Variants in UBE2F observed in about 807,000 individuals in gnomAD.
UBE2F encodes the protein ubiquitin conjugating enzyme E2 F (putative), also known as NEDD8-conjugating enzyme UBE2F.
Under a neutral mutation model 29.6 loss-of-function variants are expected in UBE2F, and 5 were observed. The ratio of observed to expected loss-of-function variants is 0.17; its 90% CI spans 0.09 to 0.36. UBE2F has a LOEUF of 0.36. Among genes scored for constraint, UBE2F ranks in the 10% least tolerant of loss-of-function variants. The pLI, the probability that UBE2F is intolerant of heterozygous loss-of-function variation, is 1.00. For missense variants in UBE2F, 141 were observed against 228.5 expected, an observed-to-expected ratio of 0.62 and a Z score of 2.47; for synonymous variants, 66 against 81.8, an observed-to-expected ratio of 0.81 and a Z score of 1.04.
At chr2:238,039,587 A>G (rs2064795828) in intron 9 of UBE2F, among the ~76,000 whole-genome samples, 2 of 152,332 alleles carry the variant, frequency 1.3e-5, no homozygotes, top group Middle Eastern at 3.4e-3. Context: ...GAGAATCACC[A>G]TGATTGAGTA....
intron 6 of UBE2F, 141 bp downstream of exon 6, chr2:238,025,553 C>A: frequency 4.0e-6 from 3 of 742,430 alleles, no homozygotes; most frequent in South Asian, 1.6e-5. Flanking sequence ...GAAGTAGCTG[C>A]GGTTGCCTGC....
In UBE2F at chr2:237,982,373, A is replaced by G. The variant is rs896215254; in HGVS notation, c.119-5590A>G. ...GCACTGGTCAGTGGCCTCACTCTTC[A>G]TTGTCCGTCTGTGCCCAGACCTCAC... On this transcript the variant is annotated intron_variant, in intron 2 of 9. Transcript: ENST00000272930. The surrounding 1 kb of genome is among the most constrained non-coding windows in gnomAD (Gnocchi z 4.1). Among the ~76,000 whole-genome samples, 3 of 152,042 alleles carry G rather than the reference A, an allele frequency of 2.0e-5. No individual in the cohort carries two copies. Among genetic ancestry groups the G allele is most frequent in the Non-Finnish European group, 2.9e-5 (2 of 68,026 alleles).
At chr2:238,010,237 A>G (rs2063992901) in intron 4 of UBE2F, among the ~76,000 whole-genome samples, 1 of 151,984 alleles carries the variant, frequency 6.6e-6, no homozygotes. Context: ...GCAGTGGCAC[A>G]ATCTTGGCTC....
At chr2:238,020,899 C>T (rs1012902980) in intron 5 of UBE2F, among the ~76,000 whole-genome samples, 5 of 152,212 alleles carry the variant, frequency 3.3e-5, no homozygotes, top group African/African-American at 1.2e-4. Flanking sequence ...GAGACAGACG[C>T]TGACATGACA....
intron 3 of UBE2F, among the ~76,000 whole-genome samples, chr2:237,993,120 T>C (rs2063622851): frequency 6.6e-6 from 1 of 152,020 alleles, no homozygotes; most frequent in Admixed American, 6.6e-5. Context: ...CCCAAGTAGC[T>C]GGGACTACAG....
intron 2 of UBE2F, among the ~76,000 whole-genome samples, chr2:237,974,066 T>C (rs932986931): frequency 6.6e-6 from 1 of 152,144 alleles, no homozygotes; most frequent in Non-Finnish European, 1.5e-5. Flanking sequence ...CAATCTTGGC[T>C]CACTGCAACC....
intron 1 of UBE2F, among the ~76,000 whole-genome samples, chr2:237,969,261 C>T (rs72981208): frequency 0.03 from 4,535 of 151,340 alleles, 97 homozygotes; most frequent in Non-Finnish European, 0.042. Context: ...TTCATCGTGG[C>T]GTGATTGGGG....
intron 2 of UBE2F, among the ~76,000 whole-genome samples, chr2:237,974,513 TTG>T (rs1491073543): frequency 4.8e-4 from 41 of 85,854 alleles, no homozygotes; most frequent in Non-Finnish European, 5.7e-4. Context: ...TTTTTTTTTT[TTG>T]TTTTTTTTTT....
chr2:237,977,299 C>T (rs970092583), intron 2 of UBE2F, among the ~76,000 whole-genome samples: 2 of 152,196 alleles, frequency 1.3e-5, no homozygotes, highest in Non-Finnish European at 2.9e-5. Flanking sequence ...TCCCCAGGCA[C>T]TGGTAGCGAT....
chr2:237,991,774 T>A (rs542375692), intron 3 of UBE2F, among the ~76,000 whole-genome samples: 1 of 151,894 alleles, frequency 6.6e-6, no homozygotes, highest in South Asian at 2.1e-4. Flanking sequence ...AGCCAATTTT[T>A]GTATTTTTAG....
chr2:237,979,990 C>T (rs1319657586), intron 2 of UBE2F, among the ~76,000 whole-genome samples: 2 of 152,238 alleles, frequency 1.3e-5, no homozygotes, highest in East Asian at 3.9e-4. Flanking sequence ...GGGCTGAGGC[C>T]CTGTGTGTGA....
chr2:238,039,801 GA>G (rs539894233), intron 9 of UBE2F, among the ~76,000 whole-genome samples: 54 of 152,348 alleles, frequency 3.5e-4, no homozygotes, highest in African/African-American at 1.3e-3. Context: ...GGTGAACAGG[GA>G]GACTAAGAGT....
rs1325847228 is a variant in UBE2F at position 237,967,344 on chromosome 2, G to T, written c.-17+212G>T. 2.1e-5 allele frequency among the ~76,000 whole-genome samples: 3 copies of T among 146,216 alleles called. No homozygotes were observed. Among genetic ancestry groups the T allele is most frequent in the Non-Finnish European group, 4.6e-5 (3 of 65,624 alleles). ...GCCGCGGGCCGCGGGCCGCGAGCCG[G>T]GGGTCGGAGGCGGCGTCGGCGGCCG... On this transcript the variant is annotated intron_variant, in intron 1 of 9. Transcript: ENST00000272930. The surrounding 1 kb of genome is among the most constrained non-coding windows in gnomAD (Gnocchi z 6.3).
chr2:237,987,984 AT>A lies in UBE2F; in HGVS notation c.143del (p.Leu48TyrfsTer20). The part of the protein sequence containing the change: ...LVKEVAELEA[N>X]LPCTCKVHFP... Reference sequence around the variant, plus strand: ...ACAGAGGTTGCAGAACTTGAAGCTAATTTACCTTGTAAGTATAGCATCCCCA... The same window carrying A: ...ACAGAGGTTGCAGAACTTGAAGCTAATTACCTTGTAAGTATAGCATCCCCA... On this transcript the variant is annotated frameshift_variant, in exon 3 of 10. Transcript: ENST00000272930. LOFTEE classifies it high-confidence loss of function. 6.6e-7 allele frequency: 1 copy of A among 1,510,268 alleles called. No individual in the cohort carries two copies. The highest frequency in any genetic ancestry group is 8.9e-7 in the Non-Finnish European group (1 of 1,127,416). The allele number at this position is 1,510,268 out of a possible 1,614,324, so 93.6% of individuals were successfully genotyped here. A position where few individuals can be genotyped will look rare whatever the true frequency, so the allele number is the denominator to read the frequency against.
intron 9 of UBE2F, among the ~76,000 whole-genome samples, chr2:238,036,744 T>TA (rs1406881030): frequency 3.9e-5 from 6 of 152,196 alleles, no homozygotes; most frequent in Non-Finnish European, 5.9e-5. Flanking sequence ...GAGGATTGCT[T>TA]GTGCCCGGGA....
In UBE2F at chr2:237,987,990, C is replaced by A; in HGVS notation, c.146C>A (p.Pro49His). ...GTTGCAGAACTTGAAGCTAATTTAC[C>A]TTGTAAGTATAGCATCCCCAAACAC... Reference protein sequence around the residue: ...KEVAELEANLPCTCKVHFPDP... With the variant: ...KEVAELEANLHCTCKVHFPDP... Residue 49 changes from proline to histidine, a missense_variant and splice_region_variant, in exon 3 of 10, where the codon CCT (proline) becomes CAT (histidine). Pro to His is a moderately conservative substitution (Grantham distance 77). Transcript: ENST00000272930. 1 of 1,503,710 alleles carries A rather than the reference C, an allele frequency of 6.7e-7. No individual in the cohort carries two copies. The highest frequency in any genetic ancestry group is 8.9e-7 in the Non-Finnish European group (1 of 1,124,388). The allele number at this position is 1,503,710 out of a possible 1,614,324, so 93.1% of individuals were successfully genotyped here.
At chr2:237,994,952 A>G (rs1246406058) in intron 4 of UBE2F, 143 bp downstream of exon 4, 2 of 654,160 alleles carry the variant, frequency 3.1e-6, no homozygotes, top group African/African-American at 3.6e-5. Context: ...GATAAGATAT[A>G]TACTTCATAG....
At position 237,967,797 on chromosome 2, in the gene UBE2F, G is replaced by A. The variant is rs546833647; in HGVS notation, c.-17+665G>A. Among the ~76,000 whole-genome samples the A allele has an allele frequency of 4.6e-5, 7 of 152,344 alleles. No individual in the cohort carries two copies. The East Asian group carries it at 9.6e-4, about 21-fold the overall frequency. On this transcript the variant is annotated intron_variant, in intron 1 of 9. Transcript: ENST00000272930. The surrounding 1 kb of genome is among the most constrained non-coding windows in gnomAD (Gnocchi z 6.3). ...GGAAGGGCATCTTGGAACAATTAGT[G>A]CAGCAGAGTCTTGGTTCCAGACCTA...
intron 4 of UBE2F, among the ~76,000 whole-genome samples, chr2:238,014,025 G>A (rs752700662): frequency 6.6e-6 from 1 of 152,156 alleles, no homozygotes; most frequent in Non-Finnish European, 1.5e-5. Flanking sequence ...ACTACCTGCC[G>A]GCTGTGGAAG....
Sources: gnomAD v4.1 joint callset for allele counts (sites outside exome capture counted in the v4.1 genomes callset) on GRCh38, gnomAD v4.1.1 for gene constraint, Gnocchi (gnomAD v3.1) non-coding constraint, MANE v1.5 for transcripts, NCBI Gene and HGNC (gene_info 2026-07-23, HGNC 2026-07-21) for gene names.